IL10RA: variants seen among roughly 807,000 people sequenced by gnomAD.
IL10RA encodes interleukin 10 receptor subunit alpha.
A neutral mutation model predicts 29.6 loss-of-function variants in IL10RA; 18 were observed. That is an observed-to-expected ratio of 0.61 (90% CI 0.42 to 0.90). IL10RA has a LOEUF of 0.90. Among genes scored for constraint, IL10RA ranks in the 40% least tolerant of loss-of-function variants. IL10RA has a pLI of 0.00. For missense variants in IL10RA, 634 were observed against 716.6 expected (o/e 0.88, Z 1.32); for synonymous variants, 292 against 294.1 (o/e 0.99, Z 0.07).
At position 117,999,227 on chromosome 11, in the gene IL10RA, G is replaced by A. The variant is rs746663189; in HGVS notation, c.1323G>A (p.Val441=). The change falls in exon 7 of 7, where the codon GTG becomes GTA. Residue 441 remains valine, a synonymous_variant. Transcript: ENST00000227752. ...EVPGEEDPAA[V]AFQGYLRQTR... ...CTGGGGAAGAAGACCCAGCTGCTGT[G>A]GCATTCCAGGGTTACCTGAGGCAGA... is the stretch of plus-strand genomic sequence containing the variant. 8.9e-5 allele frequency: 143 copies of A among 1,614,134 alleles called. No individual in the cohort carries two copies. Among genetic ancestry groups the A allele is most frequent in the Non-Finnish European group, 1.2e-4 (138 of 1,180,052 alleles).
chr11:117,991,940 G>A (rs1334251740), intron 3 of IL10RA, among the ~76,000 whole-genome samples: 1 of 152,068 alleles, frequency 6.6e-6, no homozygotes, highest in Non-Finnish European at 1.5e-5. Context: ...TCACCATGTT[G>A]GCCAGGCTGG....
At chr11:117,995,492 G>C in intron 5 of IL10RA, 97 bp from the exon 6 acceptor site, 1 of 1,524,308 alleles carries the variant, frequency 6.6e-7, no homozygotes, top group Non-Finnish European at 9.1e-7. Flanking sequence ...AATGGTTCCT[G>C]ACAGTGGGCA....
downstream of IL10RA, chr11:118,002,963 TAC>T (rs2058104630): frequency 1.3e-5 from 2 of 152,194 alleles, no homozygotes; most frequent in African/African-American, 4.8e-5. Flanking sequence ...TTCCTCTTAG[TAC>T]AGAGAGGGGG....
intron 5 of IL10RA, 99 bp from the exon 6 acceptor site, chr11:117,995,490 C>T: frequency 6.6e-7 from 1 of 1,521,728 alleles, no homozygotes; most frequent in Non-Finnish European, 9.1e-7. Flanking sequence ...TGAATGGTTC[C>T]TGACAGTGGG....
chr11:117,987,095 A>G (rs1475328707), intron 1 of IL10RA: 2 of 349,722 alleles, frequency 5.7e-6, no homozygotes, highest in Non-Finnish European at 1.1e-5. Context: ...CCTAACCCAG[A>G]CAGTTCTCCG....
intron 4 of IL10RA, 139 bp from the exon 5 acceptor site, chr11:117,993,860 G>A: frequency 5.5e-6 from 4 of 722,100 alleles, no homozygotes; most frequent in Non-Finnish European, 1.0e-5. Flanking sequence ...TGCTGCATTG[G>A]TAATTGTGGG....
intron 3 of IL10RA, chr11:117,992,969 T>G: frequency 2.1e-6 from 1 of 482,252 alleles, no homozygotes; most frequent in Non-Finnish European, 3.8e-6. Flanking sequence ...CATTGTGTGT[T>G]CTTGGCCCCT....
chr11:117,997,960 C>T (rs2134994650), intron 6 of IL10RA, among the ~76,000 whole-genome samples: 1 of 152,072 alleles, frequency 6.6e-6, no homozygotes, highest in South Asian at 2.1e-4. Flanking sequence ...GTGCAAAGGC[C>T]CTGAGGCAGC....
rs765786690 is a variant in IL10RA at position 117,999,701 on chromosome 11, G to C, written c.*60G>C. 13 of 1,470,172 alleles carry C rather than the reference G, an allele frequency of 8.8e-6. No individual in the cohort carries two copies. The highest frequency in any genetic ancestry group is 4.5e-5 in the South Asian group (4 of 88,216). The allele number at this position is 1,470,172 out of a possible 1,614,324, so 91.1% of individuals were successfully genotyped here. A position where few individuals can be genotyped will look rare whatever the true frequency, so the allele number is the denominator to read the frequency against. ...GCCTGCTCCTCTGCCTGGACCAGGA[G>C]GAGGGCCCCTGGGGCAGAAGTTAGG... On this transcript the variant is annotated 3_prime_UTR_variant, in exon 7 of 7. Transcript: ENST00000227752.
chr11:117,996,055 A>G (rs1029081602), intron 6 of IL10RA, among the ~76,000 whole-genome samples: 1 of 152,098 alleles, frequency 6.6e-6, no homozygotes, highest in African/African-American at 2.4e-5. Context: ...TATTATCCCC[A>G]TTTCATAAGT....
intron 6 of IL10RA, among the ~76,000 whole-genome samples, chr11:117,997,413 G>A (rs991609977): frequency 6.6e-6 from 1 of 152,228 alleles, no homozygotes; most frequent in East Asian, 1.9e-4. Flanking sequence ...AATTTGGTCA[G>A]GGTGACAAAG....
rs781566974 is a variant in IL10RA at position 117,989,431 on chromosome 11, T to G, written c.189-11T>G. 1.9e-6 allele frequency: 3 copies of G among 1,611,382 alleles called. No homozygotes were observed. The highest frequency in any genetic ancestry group is 2.5e-6 in the Non-Finnish European group (3 of 1,177,456). ...AGCTCGTTTCCAGTGCCTAACCTGG[T>G]ATCTCCTCAGGTATGGAATAGAGTC... On this transcript the variant is annotated splice_polypyrimidine_tract_variant and intron_variant, in intron 2 of 6. Coordinates refer to ENST00000227752, the MANE Select transcript of IL10RA (RefSeq NM_001558.4). This position sits in a 1 kb window ranked among gnomAD's most constrained non-coding sequence, Gnocchi z 4.5.
Position 117,999,711 on chromosome 11 carries a change from T to G in IL10RA, c.*70T>G. 7.0e-7 allele frequency: 1 copy of G among 1,423,410 alleles called. No individual in the cohort carries two copies. The highest frequency in any genetic ancestry group is 1.7e-5 in the Admixed American group (1 of 59,350). The allele number at this position is 1,423,410 out of a possible 1,614,324, so 88.2% of individuals were successfully genotyped here. Reference sequence around the variant, plus strand: ...CTGCCTGGACCAGGAGGAGGGCCCCTGGGGCAGAAGTTAGGCACGAGGCAG... The same window carrying G: ...CTGCCTGGACCAGGAGGAGGGCCCCGGGGGCAGAAGTTAGGCACGAGGCAG... On this transcript the variant is annotated 3_prime_UTR_variant, in exon 7 of 7. Transcript: ENST00000227752.
At chr11:117,987,707 A>G (rs1444886175) in intron 1 of IL10RA, 1 of 159,220 alleles carries the variant, frequency 6.3e-6, no homozygotes, top group Non-Finnish European at 1.4e-5. Flanking sequence ...AGGAATTGGT[A>G]TTGAGTATCT....
In IL10RA at chr11:117,993,368, A is replaced by C. The variant is rs1407417594; in HGVS notation, c.495A>C (p.Arg165=). Residue 165 remains arginine, a synonymous_variant, in exon 4 of 7, where the codon CGA becomes CGC. Coordinates refer to ENST00000227752, the MANE Select transcript of IL10RA (RefSeq NM_001558.4). The part of the protein sequence containing the change: ...DTYESIFSHF[R]EYEIAIRKVP... ...ATGAAAGCATCTTCAGTCACTTCCGAGAGTATGAGATTGCCATTCGCAAGG... is the reference window on the plus strand; with the variant it reads ...ATGAAAGCATCTTCAGTCACTTCCGCGAGTATGAGATTGCCATTCGCAAGG... 1.1e-5 allele frequency: 17 copies of C among 1,614,160 alleles called. 1 individual carries two copies. The highest frequency in any genetic ancestry group is 1.6e-4 in the Middle Eastern group (1 of 6,062).
At chr11:117,993,948 G>T (rs373538114) in intron 4 of IL10RA, 51 bp from the exon 5 acceptor site, 1 of 1,544,984 alleles carries the variant, frequency 6.5e-7, no homozygotes, top group African/African-American at 1.4e-5. Flanking sequence ...CTCAGTGTCC[G>T]TGTGCCATGA....
rs1452382976 is a variant in IL10RA at position 117,999,724 on chromosome 11, A to G, written c.*83A>G. The G allele has an allele frequency of 7.9e-7, 1 of 1,268,920 alleles. No homozygotes were observed. The highest frequency in any genetic ancestry group is 1.7e-5 in the Admixed American group (1 of 57,664). The allele number at this position is 1,268,920 out of a possible 1,614,324, so 78.6% of individuals were successfully genotyped here. ...GAGGAGGGCCCCTGGGGCAGAAGTT[A>G]GGCACGAGGCAGTCTGGGCACTTTT... On this transcript the variant is annotated 3_prime_UTR_variant, in exon 7 of 7. Coordinates refer to ENST00000227752, the MANE Select transcript of IL10RA (RefSeq NM_001558.4).
intron 6 of IL10RA, 120 bp downstream of exon 6, chr11:117,995,830 C>T: frequency 9.2e-7 from 1 of 1,081,240 alleles, no homozygotes; most frequent in South Asian, 1.3e-5. Context: ...TGCTCTCAGC[C>T]CTGATGTGAT....
chr11:117,993,536 G>C (rs2058038051), intron 4 of IL10RA, 126 bp downstream of exon 4: 1 of 842,340 alleles, frequency 1.2e-6, no homozygotes, highest in Admixed American at 1.9e-5. Context: ...GGGATGGTGG[G>C]TGGGCAGAGG....
Sources: gnomAD v4.1 joint callset for allele counts (sites outside exome capture counted in the v4.1 genomes callset) on GRCh38, gnomAD v4.1.1 for gene constraint, Gnocchi (gnomAD v3.1) non-coding constraint, MANE v1.5 for transcripts, NCBI Gene and HGNC (gene_info 2026-07-23, HGNC 2026-07-21) for gene names.